Variants in ESRRG observed in about 807,000 individuals in gnomAD.
ESRRG encodes estrogen related receptor gamma, also known as estrogen-related receptor gamma.
In ESRRG, 13 loss-of-function variants were observed where a neutral mutation model predicts 44.0. The observed-to-expected ratio is 0.30, with a 90% CI of 0.19 to 0.47. The LOEUF (loss-of-function observed/expected upper bound fraction) is 0.47, where lower values mean the gene tolerates loss of function less well. Among genes scored for constraint, ESRRG ranks in the 20% least tolerant of loss-of-function variants. The pLI is 1.00. For synonymous variants in ESRRG, 215 were observed against 214.6 expected, an observed-to-expected ratio of 1.00 and a Z score of -0.02; for missense variants, 395 against 580.6, an observed-to-expected ratio of 0.68 and a Z score of 3.29.
At chr1:216,609,274 G>A (rs547784782) in intron 3 of ESRRG, among the ~76,000 whole-genome samples, 3 of 152,298 alleles carry the variant, frequency 2.0e-5, no homozygotes, top group African/African-American at 7.2e-5. Context: ...TTTCTAGAAT[G>A]TGGCTTTTGT....
chr1:217,087,500 C>T (rs1396251964), intron 1 of ESRRG, among the ~76,000 whole-genome samples: 1 of 152,152 alleles, frequency 6.6e-6, no homozygotes, highest in East Asian at 1.9e-4. Context: ...GAAACCTAAT[C>T]GATTGATCTG....
intron 1 of ESRRG, among the ~76,000 whole-genome samples, chr1:217,052,745 G>A (rs752277560): frequency 6.6e-6 from 1 of 152,118 alleles, no homozygotes; most frequent in African/African-American, 2.4e-5. Context: ...GGGATAATGA[G>A]GACTGCAATC....
chr1:216,932,678 C>T (rs1039367748), intron 2 of ESRRG, among the ~76,000 whole-genome samples: 1 of 147,566 alleles, frequency 6.8e-6, no homozygotes, highest in African/African-American at 2.5e-5. Flanking sequence ...CCACTTCAGT[C>T]TCCTGAGTAG....
In ESRRG at chr1:217,089,214, T is replaced by G. The variant is rs558043007; in HGVS notation, c.-106+293A>C. 1.1e-4 allele frequency among the ~76,000 whole-genome samples: 16 copies of G among 152,182 alleles called. No homozygotes were observed. In the South Asian group the frequency reaches 3.3e-3, roughly 32 times the overall value. Reference sequence around the variant, plus strand: ...TGAAGTCTCTATCCAGGAAGGGGGATGGGAGGGGTGTTTAAAGAACAAATC... The same window carrying G: ...TGAAGTCTCTATCCAGGAAGGGGGAGGGGAGGGGTGTTTAAAGAACAAATC... On this transcript the variant is annotated intron_variant, in intron 1 of 7. Transcript: ENST00000359162.
At chr1:217,034,840 T>C (rs920007558) in intron 1 of ESRRG, among the ~76,000 whole-genome samples, 3 of 152,048 alleles carry the variant, frequency 2.0e-5, no homozygotes, top group Non-Finnish European at 4.4e-5. Context: ...CACAGACAAA[T>C]TGTGGGCAAG....
chr1:217,030,737 C>T (rs974318434), intron 1 of ESRRG, among the ~76,000 whole-genome samples: 3 of 152,202 alleles, frequency 2.0e-5, no homozygotes, highest in Non-Finnish European at 4.4e-5. Flanking sequence ...AATGTGGTGG[C>T]CACTGGCCAC....
intron 5 of ESRRG, among the ~76,000 whole-genome samples, chr1:216,523,299 A>G (rs773904518): frequency 2.6e-5 from 4 of 152,116 alleles, no homozygotes; most frequent in Non-Finnish European, 4.4e-5. Flanking sequence ...TATCTGCAAT[A>G]CAGTGTGCTC....
chr1:217,018,345 C>T (rs562926961), intron 1 of ESRRG, among the ~76,000 whole-genome samples: 4 of 152,240 alleles, frequency 2.6e-5, no homozygotes, highest in South Asian at 2.1e-4. Flanking sequence ...AGACTGGTCC[C>T]GTTTCCCTCC....
chr1:217,037,804 G>A (rs896723532), intron 1 of ESRRG, among the ~76,000 whole-genome samples: 1 of 152,196 alleles, frequency 6.6e-6, no homozygotes, highest in South Asian at 2.1e-4. Flanking sequence ...AGATACAATA[G>A]GGGTACAGGC....
intron 3 of ESRRG, among the ~76,000 whole-genome samples, chr1:216,577,760 T>TA (rs2061952585): frequency 6.6e-6 from 1 of 151,942 alleles, no homozygotes; most frequent in Non-Finnish European, 1.5e-5. Flanking sequence ...GACATGGATT[T>TA]AAAATATAGA....
intron 1 of ESRRG, among the ~76,000 whole-genome samples, chr1:217,027,935 C>T (rs1195679724): frequency 6.6e-6 from 1 of 152,094 alleles, no homozygotes; most frequent in Non-Finnish European, 1.5e-5. Context: ...CTATGCCTAC[C>T]AAGATTTTCT....
chr1:216,795,574 C>T (rs142929228), intron 2 of ESRRG, among the ~76,000 whole-genome samples: 2,580 of 151,914 alleles, frequency 0.017, 83 homozygotes, highest in African/African-American at 0.059. Context: ...CTCCTGACCT[C>T]AAGTGATCCA....
In ESRRG at chr1:216,529,132, A is replaced by T. The variant is rs533977061; in HGVS notation, c.863-9711T>A. Among the ~76,000 whole-genome samples the T allele has an allele frequency of 4.6e-5, 7 of 152,286 alleles. No individual in the cohort carries two copies. In the South Asian group the frequency reaches 1.4e-3, roughly 32 times the overall value. ...ATAATTTCAAACAGGAACCAGTTCT[A>T]CCTGCTGTGGGAACCTGCATAACTA... On this transcript the variant is annotated intron_variant, in intron 5 of 6. Coordinates refer to ENST00000408911, the MANE Select transcript of ESRRG (RefSeq NM_001438.4).
At chr1:216,950,674 G>C (rs962970564) in intron 1 of ESRRG, among the ~76,000 whole-genome samples, 2 of 152,112 alleles carry the variant, frequency 1.3e-5, no homozygotes, top group Non-Finnish European at 2.9e-5. Context: ...TTTGCTGACT[G>C]TCCTATATTT....
intron 1 of ESRRG, among the ~76,000 whole-genome samples, chr1:216,967,317 A>T (rs1159986486): frequency 2.0e-5 from 3 of 152,140 alleles, no homozygotes; most frequent in Non-Finnish European, 4.4e-5. Context: ...AAATGTAATG[A>T]CATGTACCTA....
chr1:216,823,959 A>T (rs994203722), intron 2 of ESRRG, among the ~76,000 whole-genome samples: 4 of 152,162 alleles, frequency 2.6e-5, no homozygotes, highest in African/African-American at 9.7e-5. Context: ...GACATGGCTG[A>T]GCTCTACAGT....
At chr1:217,074,451 CCA>C (rs1558205635) in intron 1 of ESRRG, among the ~76,000 whole-genome samples, 1 of 144,116 alleles carries the variant, frequency 6.9e-6, no homozygotes, top group Non-Finnish European at 1.5e-5. Flanking sequence ...TCCACCCCCC[CCA>C]AAAAAAAAAA....
rs76230398 is a variant in ESRRG at position 216,678,635 on chromosome 1, T to C, written c.57-1144A>G. On this transcript the variant is annotated intron_variant, in intron 1 of 6. Coordinates refer to ENST00000408911, the MANE Select transcript of ESRRG (RefSeq NM_001438.4). ...CTGGAAAGGTAATTAGATGAAAAGA[T>C]ATAATTGGTCCTATTTTCTTTTCAT... 5.8e-3 allele frequency among the ~76,000 whole-genome samples: 879 copies of C among 152,292 alleles called. 10 individuals are homozygous for C. Among genetic ancestry groups the C allele is most frequent in the African/African-American group, 0.02 (827 of 41,568 alleles).
At chr1:216,548,969 G>A (rs546299222) in intron 5 of ESRRG, among the ~76,000 whole-genome samples, 1 of 151,978 alleles carries the variant, frequency 6.6e-6, no homozygotes, top group African/African-American at 2.4e-5. Flanking sequence ...TGCAAATAAG[G>A]GACCTAGCAG....
Sources: gnomAD v4.1 joint callset for allele counts (sites outside exome capture counted in the v4.1 genomes callset) on GRCh38, gnomAD v4.1.1 for gene constraint, MANE v1.5 for transcripts, NCBI Gene and HGNC (gene_info 2026-07-23, HGNC 2026-07-21) for gene names.